The following RUNDC3B variants were observed in gnomAD, a reference collection of about 807,000 sequenced individuals.
RUNDC3B encodes RUN domain containing 3B.
A neutral mutation model predicts 58.4 loss-of-function variants in RUNDC3B; 33 were observed. The ratio of observed to expected loss-of-function variants is 0.56; its 90% confidence interval spans 0.43 to 0.75. RUNDC3B has a LOEUF of 0.75. RUNDC3B is among the 30% of genes least tolerant of loss of function. RUNDC3B has a pLI of 0.00. For synonymous variants in RUNDC3B, 193 were observed against 195.2 expected, an observed-to-expected ratio of 0.99 and a Z score of 0.10; for missense variants, 501 against 535.7, an observed-to-expected ratio of 0.94 and a Z score of 0.64.
chr7:87,655,026 A>C (rs1823946874), intron 2 of RUNDC3B, among the ~76,000 whole-genome samples: 1 of 152,128 alleles, frequency 6.6e-6, no homozygotes, highest in Non-Finnish European at 1.5e-5. Context: ...CAAACAGCCG[A>C]AGGATAACAA....
intron 2 of RUNDC3B, among the ~76,000 whole-genome samples, chr7:87,677,543 T>C (rs558325520): frequency 6.6e-6 from 1 of 152,098 alleles, no homozygotes; most frequent in Non-Finnish European, 1.5e-5. Context: ...AGGGGAGATA[T>C]TGGTCAAAGG....
At chr7:87,782,498 TTTC>T (rs1399573736) in intron 8 of RUNDC3B, among the ~76,000 whole-genome samples, 1 of 152,120 alleles carries the variant, frequency 6.6e-6, no homozygotes, top group Non-Finnish European at 1.5e-5. Context: ...AGTTATTTCT[TTTC>T]TTCTTCTAGC....
At chr7:87,765,274 AT>A (rs139031558) in intron 6 of RUNDC3B, among the ~76,000 whole-genome samples, 7,683 of 149,426 alleles carry the variant, frequency 0.051, 286 homozygotes, top group East Asian at 0.093. Context: ...CTTTGGGTTG[AT>A]TTTTTTTTGT....
At chr7:87,792,747 T>A (rs891265627) in intron 8 of RUNDC3B, among the ~76,000 whole-genome samples, 1 of 151,604 alleles carries the variant, frequency 6.6e-6, no homozygotes, top group Non-Finnish European at 1.5e-5. Flanking sequence ...AGTTCCTATA[T>A]CAAAAAAGAA....
At chr7:87,822,869 C>A (rs2130966443) in intron 10 of RUNDC3B, among the ~76,000 whole-genome samples, 1 of 152,220 alleles carries the variant, frequency 6.6e-6, no homozygotes, top group Admixed American at 6.5e-5. Flanking sequence ...AGGGGAACAT[C>A]ACACTCCAGG....
chr7:87,703,199 C>T (rs1829249087), intron 3 of RUNDC3B, among the ~76,000 whole-genome samples: 1 of 152,106 alleles, frequency 6.6e-6, no homozygotes, highest in East Asian at 1.9e-4. Context: ...TAACAATTAT[C>T]TTTCCAAATT....
intron 8 of RUNDC3B, among the ~76,000 whole-genome samples, chr7:87,791,228 T>G (rs1835505550): frequency 6.6e-6 from 1 of 152,028 alleles, no homozygotes; most frequent in Non-Finnish European, 1.5e-5. Flanking sequence ...AAATAGTATA[T>G]CCAATGAAAA....
rs569971678 is a variant in RUNDC3B, at chr7:87,752,270, T to A, written c.629+10691T>A. On this transcript the variant is annotated intron_variant, in intron 6 of 10. Transcript: ENST00000394654. ...AGCTTTTTGATGTGCTGCTGGATTC[T>A]GTTTGCCAGTATTTTATTGAGGATT... 7.8e-3 allele frequency among the ~76,000 whole-genome samples: 1,182 copies of A among 152,200 alleles called. 22 individuals carry two copies. Among genetic ancestry groups the A allele is most frequent in the African/African-American group, 0.027 (1,119 of 41,522 alleles).
intron 9 of RUNDC3B, among the ~76,000 whole-genome samples, chr7:87,814,617 TGTAGACAA>T (rs1836929039): frequency 6.6e-6 from 1 of 152,196 alleles, no homozygotes. Flanking sequence ...ATATAATATA[TGTAGACAA>T]GTGCCCAACA....
chr7:87,751,972 T>C (rs1396278368), intron 6 of RUNDC3B, among the ~76,000 whole-genome samples: 1 of 152,184 alleles, frequency 6.6e-6, no homozygotes, highest in African/African-American at 2.4e-5. Flanking sequence ...AGGGAATGCT[T>C]CCAGTTTTTG....
chr7:87,655,251 C>T (rs1039398608), intron 2 of RUNDC3B, among the ~76,000 whole-genome samples: 2 of 152,088 alleles, frequency 1.3e-5, no homozygotes, highest in East Asian at 1.9e-4. Context: ...ATCAGTGTCT[C>T]GAAGAGTTAT....
chr7:87,722,412 C>A (rs890008366), intron 4 of RUNDC3B, among the ~76,000 whole-genome samples: 1 of 152,132 alleles, frequency 6.6e-6, no homozygotes, highest in African/African-American at 2.4e-5. Flanking sequence ...ATAAGGTCAA[C>A]ATTTTAAAGT....
intron 8 of RUNDC3B, among the ~76,000 whole-genome samples, chr7:87,778,373 G>A (rs949632619): frequency 3.3e-4 from 50 of 150,902 alleles, no homozygotes; most frequent in African/African-American, 1.2e-3. Flanking sequence ...AGTCCAGGAG[G>A]TCAAGGCTGC....
chr7:87,727,543 T>A (rs534783990), intron 4 of RUNDC3B, among the ~76,000 whole-genome samples: 1 of 152,286 alleles, frequency 6.6e-6, no homozygotes, highest in East Asian at 1.9e-4. Flanking sequence ...TTTTTATGAG[T>A]AGGCAAATTA....
chr7:87,709,026 A>G (rs564552114), intron 3 of RUNDC3B, among the ~76,000 whole-genome samples: 3 of 152,290 alleles, frequency 2.0e-5, no homozygotes, highest in South Asian at 2.1e-4. Flanking sequence ...TCTTGGCCCA[A>G]ACAATCTTTA....
intron 8 of RUNDC3B, among the ~76,000 whole-genome samples, chr7:87,790,139 G>T (rs1313487367): frequency 6.6e-6 from 1 of 152,182 alleles, no homozygotes; most frequent in Non-Finnish European, 1.5e-5. Flanking sequence ...CCATAGGAGG[G>T]CTTACATCAC....
At chr7:87,640,666 A>G (rs1822355959) in intron 1 of RUNDC3B, among the ~76,000 whole-genome samples, 1 of 152,064 alleles carries the variant, frequency 6.6e-6, no homozygotes, top group South Asian at 2.1e-4. Flanking sequence ...TTACACTCCA[A>G]TTACATTATG....
chr7:87,828,955 C>T (rs1837985437), intron 10 of RUNDC3B, among the ~76,000 whole-genome samples: 1 of 152,086 alleles, frequency 6.6e-6, no homozygotes, highest in Non-Finnish European at 1.5e-5. Context: ...AATGCATTCC[C>T]TATTCTCAGT....
intron 1 of RUNDC3B, among the ~76,000 whole-genome samples, chr7:87,648,401 T>C (rs754457630): frequency 1.6e-4 from 25 of 151,872 alleles, no homozygotes; most frequent in Non-Finnish European, 8.8e-5. Flanking sequence ...AGGATGAAAA[T>C]GTCCCAGAGG....
Sources: gnomAD v4.1 joint callset for allele counts (sites outside exome capture counted in the v4.1 genomes callset) on GRCh38, gnomAD v4.1.1 for gene constraint, MANE v1.5 for transcripts, NCBI Gene and HGNC (gene_info 2026-07-23, HGNC 2026-07-21) for gene names.